GRIK4: variants seen among roughly 807,000 people sequenced by gnomAD.
GRIK4 encodes the protein glutamate ionotropic receptor kainate type subunit 4.
In GRIK4, 40 loss-of-function variants were observed where a neutral mutation model predicts 104.9. The observed-to-expected ratio is 0.38, with a 90% CI of 0.30 to 0.50. GRIK4 has a LOEUF of 0.50. Ranked by LOEUF, GRIK4 falls within the 20% of genes least tolerant of loss-of-function variation. The pLI, the probability that GRIK4 is intolerant of heterozygous loss-of-function variation, is 0.93. For missense variants in GRIK4, 1,047 were observed against 1,308.1 expected (o/e 0.80, Z 3.08); for synonymous variants, 485 against 524.9 (o/e 0.92, Z 1.04).
chr11:120,966,115 G>A (rs769646388), intron 18 of GRIK4, among the ~76,000 whole-genome samples: 11 of 152,110 alleles, frequency 7.2e-5, no homozygotes, highest in Non-Finnish European at 1.0e-4. Context: ...ACAAAATCGC[G>A]TTAGAAAAAT....
intron 3 of GRIK4, among the ~76,000 whole-genome samples, chr11:120,745,838 A>G (rs1410128746): frequency 6.6e-6 from 1 of 152,166 alleles, no homozygotes; most frequent in Non-Finnish European, 1.5e-5. Context: ...CACTCCCACC[A>G]TCAGTGGGAC....
chr11:120,594,303 C>G (rs1948772820), intron 1 of GRIK4, among the ~76,000 whole-genome samples: 1 of 152,062 alleles, frequency 6.6e-6, no homozygotes, highest in South Asian at 2.1e-4. Context: ...CATGGTGAGA[C>G]CCCGTGTCTT....
At position 120,660,304 on chromosome 11, in the gene GRIK4, G is replaced by A. The variant is rs568567238; in HGVS notation, c.-15G>A. On this transcript the variant is annotated 5_prime_UTR_variant, in exon 3 of 21. An upstream start codon of the reference 5' UTR is lost. Transcript: ENST00000527524. Reference sequence around the variant, plus strand: ...TGCCCAGGCCAGCAGGGGGCTCCATGAGGATTCATAGAAGATGCCCCGCGT... The same window carrying A: ...TGCCCAGGCCAGCAGGGGGCTCCATAAGGATTCATAGAAGATGCCCCGCGT... The A allele has an allele frequency of 6.2e-7, 1 of 1,603,382 alleles. No homozygotes were observed. The highest frequency in any genetic ancestry group is 8.5e-7 in the Non-Finnish European group (1 of 1,171,112).
chr11:120,682,580 T>A (rs1950212394), intron 3 of GRIK4, among the ~76,000 whole-genome samples: 1 of 138,070 alleles, frequency 7.2e-6, no homozygotes, highest in African/African-American at 2.7e-5. Context: ...TAGACCACTA[T>A]TTGCCCCCAT....
chr11:120,582,659 C>A (rs976615383), intron 1 of GRIK4, among the ~76,000 whole-genome samples: 1 of 152,164 alleles, frequency 6.6e-6, no homozygotes, highest in Non-Finnish European at 1.5e-5. Context: ...GCCTCCAGCT[C>A]CATCCATGTT....
At chr11:120,600,331 T>C (rs1459972428) in intron 1 of GRIK4, among the ~76,000 whole-genome samples, 1 of 151,482 alleles carries the variant, frequency 6.6e-6, no homozygotes, top group Non-Finnish European at 1.5e-5. Context: ...TTTATGGGAG[T>C]TTTTCCCCCC....
chr11:120,941,130 A>T (rs1388624274), intron 14 of GRIK4, among the ~76,000 whole-genome samples: 1 of 152,200 alleles, frequency 6.6e-6, no homozygotes, highest in Non-Finnish European at 1.5e-5. Context: ...GTGAATAATC[A>T]TGACAGTGCC....
At chr11:120,641,156 G>A (rs1949467588) in intron 1 of GRIK4, among the ~76,000 whole-genome samples, 2 of 152,222 alleles carry the variant, frequency 1.3e-5, no homozygotes, top group Non-Finnish European at 2.9e-5. Context: ...AATATCACAT[G>A]TGAATGATAT....
intron 1 of GRIK4, among the ~76,000 whole-genome samples, chr11:120,644,943 AT>A (rs1422887511): frequency 6.6e-6 from 1 of 152,220 alleles, no homozygotes; most frequent in East Asian, 1.9e-4. Context: ...TGGTGGAGAT[AT>A]GAGAGCTTTG....
chr11:120,923,404 A>ATTTTTTTTTTTTTTTTTT, intron 13 of GRIK4, among the ~76,000 whole-genome samples: 1 of 81,646 alleles, frequency 1.2e-5, no homozygotes, highest in Non-Finnish European at 2.2e-5. Flanking sequence ...CCATTTGCTC[A>ATTTTTTTTTTTTTTTTTT]TTTTTTTTTT....
intron 12 of GRIK4, among the ~76,000 whole-genome samples, chr11:120,900,268 A>G (rs773384482): frequency 7.2e-5 from 11 of 152,244 alleles, no homozygotes; most frequent in Admixed American, 2.6e-4. Context: ...CTGGTAAGAA[A>G]GGGAAGAGGC....
rs183521193 is a variant in GRIK4, at chr11:120,666,663, G to A, written c.82+6263G>A. 1.6e-3 allele frequency among the ~76,000 whole-genome samples: 247 copies of A among 152,324 alleles called. 2 individuals carry two copies. Among genetic ancestry groups the A allele is most frequent in the Non-Finnish European group, 3.0e-3 (203 of 68,032 alleles). On this transcript the variant is annotated intron_variant, in intron 3 of 20. Coordinates refer to ENST00000527524, the MANE Select transcript of GRIK4 (RefSeq NM_014619.5). ...GCTGATTTCCATATCATTTTGGTAT[G>A]TGGCTGCCTGTGTTCATTTGTGCTA...
intron 18 of GRIK4, among the ~76,000 whole-genome samples, chr11:120,964,999 C>T (rs1388256267): frequency 1.3e-5 from 2 of 152,118 alleles, no homozygotes; most frequent in African/African-American, 4.8e-5. Context: ...CCCAGCTTCC[C>T]ACATGAGGCT....
At chr11:120,744,152 A>G (rs904298712) in intron 3 of GRIK4, among the ~76,000 whole-genome samples, 1 of 152,144 alleles carries the variant, frequency 6.6e-6, no homozygotes, top group Admixed American at 6.5e-5. Flanking sequence ...ATGCTTCCTA[A>G]TAACAACCTA....
At chr11:120,845,444 C>T (rs977129491) in intron 8 of GRIK4, among the ~76,000 whole-genome samples, 28 of 152,134 alleles carry the variant, frequency 1.8e-4, no homozygotes, top group African/African-American at 6.5e-4. Flanking sequence ...TCTCACTTAC[C>T]TGTCAAGTAT....
At chr11:120,812,316 G>C (rs967627674) in intron 4 of GRIK4, among the ~76,000 whole-genome samples, 2 of 152,170 alleles carry the variant, frequency 1.3e-5, no homozygotes, top group Non-Finnish European at 2.9e-5. Flanking sequence ...GTGCCATGTC[G>C]ATCCCCAAGT....
intron 1 of GRIK4, among the ~76,000 whole-genome samples, chr11:120,652,590 G>C (rs1359460862): frequency 7.3e-6 from 1 of 137,390 alleles, no homozygotes; most frequent in Non-Finnish European, 1.6e-5. Context: ...CAGGACAGCA[G>C]AGAAGTTCAC....
At chr11:120,536,179 G>GCAATAAGTGTTA (rs1412019678) in intron 1 of GRIK4, among the ~76,000 whole-genome samples, 1 of 152,212 alleles carries the variant, frequency 6.6e-6, no homozygotes, top group Non-Finnish European at 1.5e-5. Context: ...GTATTCTAAA[G>GCAATAAGTGTTA]CAATAAGTGT....
In GRIK4 at chr11:120,624,661, CTG is replaced by C. The variant is rs566097893; in HGVS notation, c.-158-29023_-158-29022del. On this transcript the variant is annotated intron_variant, in intron 1 of 20. Coordinates refer to ENST00000527524, the MANE Select transcript of GRIK4 (RefSeq NM_014619.5). ...TTCATCTCGTACCCTGCCGCGGAGT[CTG>C]GGCATTCTCTAGAGCACCTTGGGAA... Among the ~76,000 whole-genome samples, 12 of 152,260 alleles carry C rather than the reference CTG, an allele frequency of 7.9e-5. No individual in the cohort carries two copies. The East Asian group carries it at 1.7e-3, about 22-fold the overall frequency.
Sources: gnomAD v4.1 joint callset for allele counts (sites outside exome capture counted in the v4.1 genomes callset) on GRCh38, gnomAD v4.1.1 for gene constraint, MANE v1.5 for transcripts, NCBI Gene and HGNC (gene_info 2026-07-23, HGNC 2026-07-21) for gene names.